The following PP2D1 variants were observed in gnomAD, a reference collection of about 807,000 sequenced individuals.
PP2D1 encodes protein phosphatase 2C-like domain-containing protein 1.
In PP2D1, 25 loss-of-function variants were observed where a neutral mutation model predicts 30.2. The observed-to-expected ratio is 0.83, with a 90% confidence interval of 0.60 to 1.16. The LOEUF is 1.16. PP2D1 is among the 50% of genes most tolerant of loss of function. The probability of loss-of-function intolerance (pLI) is 0.00; values close to 1 mark genes in which losing one functional copy is unlikely to be tolerated. For synonymous variants in PP2D1, 260 were observed against 258.9 expected, an observed-to-expected ratio of 1.00 and a Z score of -0.04; for missense variants, 760 against 742.4, an observed-to-expected ratio of 1.02 and a Z score of -0.28.
chr3:20,011,466 A>T (rs929526855), intron 1 of PP2D1, among the ~76,000 whole-genome samples: 1 of 152,108 alleles, frequency 6.6e-6, no homozygotes, highest in Non-Finnish European at 1.5e-5. Flanking sequence ...CCATTCTTAG[A>T]ATGTATTGCA....
Position 20,001,328 on chromosome 3 carries a change from G to A in PP2D1, c.792C>T (p.Asp264=). The change falls in exon 2 of 3, where the codon GAC becomes GAT. Residue 264 remains aspartate, a synonymous_variant. Transcript: ENST00000389050. ...CTGTTTTGTTTATGGCAGAAAAGAGGTCTTCTATTGCTGCGTATTCTTCTC... is the reference window on the plus strand; with the variant it reads ...CTGTTTTGTTTATGGCAGAAAAGAGATCTTCTATTGCTGCGTATTCTTCTC... ...VFREEYAAIE[D]LFSAINKTEA... 6.5e-7 allele frequency: 1 copy of A among 1,535,320 alleles called. No individual in the cohort carries two copies.
chr3:19,981,879 C>T (rs1287200527), downstream of PP2D1, among the ~76,000 whole-genome samples: 2 of 152,178 alleles, frequency 1.3e-5, no homozygotes, highest in South Asian at 4.1e-4. Context: ...GAGATGAGGT[C>T]TTCAGGATAA....
At chr3:19,995,613 G>A (rs1322559031) in intron 2 of PP2D1, among the ~76,000 whole-genome samples, 2 of 152,044 alleles carry the variant, frequency 1.3e-5, no homozygotes, top group Non-Finnish European at 2.9e-5. Flanking sequence ...CCAATAAGAA[G>A]GAAAATAACA....
intron 2 of PP2D1, among the ~76,000 whole-genome samples, chr3:19,996,410 C>T (rs1442938218): frequency 6.6e-6 from 1 of 152,064 alleles, no homozygotes; most frequent in Admixed American, 6.6e-5. Flanking sequence ...CCTGAACAGA[C>T]AAATAACAAG....
At chr3:19,997,506 G>A (rs1215364017) in intron 2 of PP2D1, among the ~76,000 whole-genome samples, 1 of 152,160 alleles carries the variant, frequency 6.6e-6, no homozygotes, top group Non-Finnish European at 1.5e-5. Context: ...GAGTCATGGG[G>A]AGCAGATCCC....
chr3:19,996,130 C>T (rs947078831), intron 2 of PP2D1, among the ~76,000 whole-genome samples: 3 of 151,848 alleles, frequency 2.0e-5, no homozygotes, highest in Non-Finnish European at 4.4e-5. Flanking sequence ...AAAAAATACA[C>T]ATAGGAGCAA....
intron 2 of PP2D1, among the ~76,000 whole-genome samples, chr3:19,995,986 T>G (rs996439582): frequency 4.6e-5 from 7 of 151,952 alleles, no homozygotes; most frequent in African/African-American, 1.7e-4. Context: ...ATAGGGAAAT[T>G]TATAGTAATA....
chr3:20,000,794 C>T (rs937141121), intron 2 of PP2D1, among the ~76,000 whole-genome samples: 2 of 152,170 alleles, frequency 1.3e-5, no homozygotes, highest in African/African-American at 4.8e-5. Context: ...GAAACTTTAA[C>T]GTATTTGTCA....
intron 2 of PP2D1, among the ~76,000 whole-genome samples, chr3:19,998,243 T>A (rs9834131): frequency 0.16 from 24,016 of 151,532 alleles, 2,081 homozygotes; most frequent in Non-Finnish European, 0.2. Context: ...GGCAGGAGAA[T>A]GGCTTAAACC....
intron 1 of PP2D1, among the ~76,000 whole-genome samples, chr3:20,007,409 AT>A (rs1326811505): frequency 6.6e-6 from 1 of 151,374 alleles, no homozygotes. Flanking sequence ...TAGACTTAGG[AT>A]TTTTTTTTCA....
At chr3:20,007,027 AC>A (rs1697327464) in intron 1 of PP2D1, among the ~76,000 whole-genome samples, 1 of 151,156 alleles carries the variant, frequency 6.6e-6, no homozygotes, top group Non-Finnish European at 1.5e-5. Flanking sequence ...ACACACACAC[AC>A]ACACGTATAT....
In PP2D1 at chr3:19,996,492, T is replaced by A. The variant is rs76213125; in HGVS notation, c.1090+4538A>T. 2.4e-4 allele frequency among the ~76,000 whole-genome samples: 36 copies of A among 152,248 alleles called. 2 individuals carry two copies. In the East Asian group the frequency reaches 7.0e-3, roughly 29 times the overall value. ...GGGACCAGATGGCTTCACTGCTGAA[T>A]TCTACCAAACTTATAAAAAAGAATT... is the stretch of plus-strand genomic sequence containing the variant. On this transcript the variant is annotated intron_variant, in intron 2 of 2. Transcript: ENST00000389050.
intron 1 of PP2D1, among the ~76,000 whole-genome samples, chr3:20,007,533 C>T (rs561366342): frequency 4.3e-4 from 66 of 152,126 alleles, no homozygotes; most frequent in Middle Eastern, 3.4e-3. Flanking sequence ...CTTAGGGAGG[C>T]CGAGGCTGTC....
At chr3:19,994,216 G>A (rs73034128) in intron 2 of PP2D1, among the ~76,000 whole-genome samples, 11,337 of 152,072 alleles carry the variant, frequency 0.075, 567 homozygotes, top group Middle Eastern at 0.18. Flanking sequence ...ACAGACTACA[G>A]AAAAAATGAC....
At chr3:19,999,189 C>T (rs1200704099) in intron 2 of PP2D1, among the ~76,000 whole-genome samples, 1 of 93,816 alleles carries the variant, frequency 1.1e-5, no homozygotes, top group Non-Finnish European at 2.1e-5. Context: ...ACACCATTCT[C>T]CTGCCACAGC....
chr3:19,980,642 G>A (rs536422160), downstream of PP2D1, among the ~76,000 whole-genome samples: 111 of 152,188 alleles, frequency 7.3e-4, no homozygotes, highest in Non-Finnish European at 1.4e-3. Flanking sequence ...ATACATGATT[G>A]ATTACTCAAT....
chr3:19,981,434 C>T (rs1259440554), downstream of PP2D1, among the ~76,000 whole-genome samples: 7 of 151,850 alleles, frequency 4.6e-5, no homozygotes, highest in African/African-American at 1.5e-4. Flanking sequence ...GCCAACATGT[C>T]GAAACCCCGT....
intron 2 of PP2D1, among the ~76,000 whole-genome samples, chr3:19,988,693 C>A (rs1697075765): frequency 6.6e-6 from 1 of 152,106 alleles, no homozygotes; most frequent in South Asian, 2.1e-4. Flanking sequence ...CATCACGGAA[C>A]CTGCTGACGT....
At chr3:19,981,202 T>G (rs1254788018), downstream of PP2D1, among the ~76,000 whole-genome samples, 1 of 152,158 alleles carries the variant, frequency 6.6e-6, no homozygotes, top group Non-Finnish European at 1.5e-5. Flanking sequence ...ATCTCCAACT[T>G]TACAGTGGTT....
Sources: allele counts gnomAD v4.1 joint callset (sites outside exome capture counted in the v4.1 genomes callset), GRCh38; gene constraint gnomAD v4.1.1; transcripts MANE v1.5; gene names NCBI Gene and HGNC (gene_info 2026-07-23, HGNC 2026-07-21).